The following EML6 variants were observed in gnomAD, a reference collection of about 807,000 sequenced individuals.
EML6 encodes EMAP like 6.
EML6 carries 154 observed loss-of-function variants against 240.1 expected under a neutral mutation model. The ratio of observed to expected loss-of-function variants is 0.64; its 90% CI spans 0.56 to 0.73. EML6 has a LOEUF of 0.73. EML6 is among the 30% of genes least tolerant of loss of function. The pLI, the probability that EML6 is intolerant of heterozygous loss-of-function variation, is 0.00. For missense variants in EML6, 2,964 were observed against 2,474.6 expected (o/e 1.20, Z -4.20); for synonymous variants, 1,148 against 899.0 (o/e 1.28, Z -4.95).
intron 2 of EML6, among the ~76,000 whole-genome samples, chr2:54,741,996 A>T (rs562428795): frequency 6.6e-6 from 1 of 152,338 alleles, no homozygotes; most frequent in South Asian, 2.1e-4. Context: ...GACAAACAAT[A>T]AGTACAGTGG....
chr2:54,795,019 A>G (rs1669681952), intron 2 of EML6, among the ~76,000 whole-genome samples: 1 of 152,064 alleles, frequency 6.6e-6, no homozygotes, highest in East Asian at 1.9e-4. Flanking sequence ...GAATTTTACC[A>G]CGCCATTCTT....
At chr2:54,932,748 G>A (rs991389604) in intron 28 of EML6, among the ~76,000 whole-genome samples, 1 of 152,204 alleles carries the variant, frequency 6.6e-6, no homozygotes, top group Non-Finnish European at 1.5e-5. Flanking sequence ...TTCAGACTTC[G>A]GTAAAAACAG....
chr2:54,811,968 T>G (rs17417134), intron 2 of EML6, among the ~76,000 whole-genome samples: 31,380 of 152,212 alleles, frequency 0.21, 3,580 homozygotes, highest in Middle Eastern at 0.34. Context: ...CCTGAAGATA[T>G]ATTTTCCAGC....
chr2:54,832,399 ACT>A (rs1668917589), intron 7 of EML6, among the ~76,000 whole-genome samples: 1 of 151,952 alleles, frequency 6.6e-6, no homozygotes, highest in African/African-American at 2.4e-5. Flanking sequence ...ACAGGGAGAG[ACT>A]CTCAGAACCG....
intron 2 of EML6, among the ~76,000 whole-genome samples, chr2:54,732,134 A>G (rs550400494): frequency 8.5e-5 from 13 of 152,262 alleles, no homozygotes; most frequent in African/African-American, 2.2e-4. Context: ...CAAATCTATT[A>G]CCCATTTTTA....
intron 2 of EML6, among the ~76,000 whole-genome samples, chr2:54,804,539 T>C (rs1041810094): frequency 1.3e-5 from 2 of 152,234 alleles, no homozygotes; most frequent in African/African-American, 4.8e-5. Flanking sequence ...AAATGTGACA[T>C]AGCCATCAGA....
chr2:54,745,338 G>C (rs1254459255), intron 2 of EML6, among the ~76,000 whole-genome samples: 2 of 152,190 alleles, frequency 1.3e-5, no homozygotes, highest in African/African-American at 4.8e-5. Flanking sequence ...TGGAGATCCA[G>C]ATGGGATAGT....
chr2:54,802,073 A>G (rs1271543408), intron 2 of EML6, among the ~76,000 whole-genome samples: 2 of 152,148 alleles, frequency 1.3e-5, no homozygotes, highest in Non-Finnish European at 2.9e-5. Flanking sequence ...TGTATTTATA[A>G]AAGTGTCCAT....
In EML6 at chr2:54,961,184, G is replaced by GTTTTTTTTTTTTTTTTTTTT. The variant is rs575621987; in HGVS notation, c.4968+869_4968+870insTTTTTTTTTTTTTTTTTTTT. Among the ~76,000 whole-genome samples the GTTTTTTTTTTTTTTTTTTTT allele has an allele frequency of 2.2e-4, 12 of 55,412 alleles. 2 individuals are homozygous for GTTTTTTTTTTTTTTTTTTTT. The highest frequency in any genetic ancestry group is 7.3e-4 in the African/African-American group (9 of 12,368). 36.4% of individuals were successfully genotyped at this position (55,412 alleles called of 152,430 possible). On this transcript the variant is annotated intron_variant, in intron 35 of 41. Transcript: ENST00000356458. The stretch of plus-strand genomic sequence containing the variant: ...GGAGCCTGGAAGTTATCAGGAAGTA[G>GTTTTTTTTTTTTTTTTTTTT]TTTTTTTTTTTTTTTTTTTGAGACG...
intron 16 of EML6, among the ~76,000 whole-genome samples, chr2:54,876,269 T>A (rs1671502809): frequency 6.6e-6 from 1 of 152,138 alleles, no homozygotes; most frequent in Non-Finnish European, 1.5e-5. Flanking sequence ...GGTAGCCAAT[T>A]TTATTTCCAA....
At chr2:54,775,924 C>A (rs1668575752) in intron 2 of EML6, among the ~76,000 whole-genome samples, 1 of 152,180 alleles carries the variant, frequency 6.6e-6, no homozygotes, top group African/African-American at 2.4e-5. Flanking sequence ...ATTCCTGTGA[C>A]AACCTTACTT....
intron 24 of EML6, among the ~76,000 whole-genome samples, chr2:54,909,177 G>T (rs963338352): frequency 6.6e-6 from 1 of 152,170 alleles, no homozygotes; most frequent in African/African-American, 2.4e-5. Flanking sequence ...CATATTCAAA[G>T]AATGTGTTCA....
chr2:54,865,332 A>AC (rs1553401153), intron 13 of EML6, among the ~76,000 whole-genome samples: 7 of 151,458 alleles, frequency 4.6e-5, no homozygotes, highest in East Asian at 3.9e-4. Flanking sequence ...AAAAAAAAAA[A>AC]AAAACTGCTG....
chr2:54,847,664 G>A (rs200693381), intron 9 of EML6, 41 bp downstream of exon 9: 78 of 1,543,940 alleles, frequency 5.1e-5, no homozygotes, highest in Middle Eastern at 1.7e-4. Context: ...AAATGCTCTC[G>A]TGTTAAATGT....
chr2:54,881,554 C>A (rs372698740), intron 17 of EML6: 1 of 146,232 alleles, frequency 6.8e-6, no homozygotes, highest in African/African-American at 2.6e-5. Context: ...ACTCAGGAGG[C>A]AGGAAAATCG....
intron 28 of EML6, among the ~76,000 whole-genome samples, chr2:54,937,984 C>T (rs1343634523): frequency 6.6e-6 from 1 of 152,240 alleles, no homozygotes; most frequent in African/African-American, 2.4e-5. Flanking sequence ...CCACTTCTGA[C>T]ACCAATCTGC....
chr2:54,847,637 T>C lies in EML6; in HGVS notation c.1187+14T>C. On this transcript the variant is annotated intron_variant, in intron 9 of 41. Coordinates refer to ENST00000356458, the MANE Select transcript of EML6 (RefSeq NM_001039753.4). ...TCTCCGAGTCAGGCACGTACTGATG[T>C]TGAAAATGGTATTTAGAAATGCTCT... The C allele has an allele frequency of 1.9e-6, 3 of 1,551,234 alleles. No individual in the cohort carries two copies. The highest frequency in any genetic ancestry group is 2.6e-6 in the Non-Finnish European group (3 of 1,146,326).
At chr2:54,768,279 G>C (rs764097256) in intron 2 of EML6, among the ~76,000 whole-genome samples, 3 of 151,998 alleles carry the variant, frequency 2.0e-5, no homozygotes, top group Non-Finnish European at 4.4e-5. Flanking sequence ...TAGTTAAAAG[G>C]ATTCAGCAAC....
At chr2:54,963,333 GTAAT>G in intron 36 of EML6, among the ~76,000 whole-genome samples, 2 of 152,352 alleles carry the variant, frequency 1.3e-5, no homozygotes, top group African/African-American at 4.8e-5. Flanking sequence ...GTTAGTTTCT[GTAAT>G]TATTTATTAA....
Sources: gnomAD v4.1 joint callset for allele counts (sites outside exome capture counted in the v4.1 genomes callset) on GRCh38, gnomAD v4.1.1 for gene constraint, MANE v1.5 for transcripts, NCBI Gene and HGNC (gene_info 2026-07-23, HGNC 2026-07-21) for gene names.